OTOG: variants seen among roughly 807,000 people sequenced by gnomAD.
OTOG encodes the protein otogelin.
Under a neutral mutation model 313.8 loss-of-function variants are expected in OTOG, and 296 were observed. The observed-to-expected ratio is 0.94, with a 90% confidence interval of 0.86 to 1.04. The LOEUF (loss-of-function observed/expected upper bound fraction) is 1.04, where lower values mean the gene tolerates loss of function less well. Ranked by LOEUF, OTOG falls within the 50% of genes least tolerant of loss-of-function variation. The probability of loss-of-function intolerance (pLI) is 0.00; values close to 1 mark genes in which losing one functional copy is unlikely to be tolerated. For missense variants in OTOG, 3,948 were observed against 3,840.1 expected (o/e 1.03, Z -0.74); for synonymous variants, 1,533 against 1,554.9 (o/e 0.99, Z 0.33).
chr11:17,576,078 C>A (rs1565100081), intron 20 of OTOG, among the ~76,000 whole-genome samples: 1 of 152,230 alleles, frequency 6.6e-6, no homozygotes, highest in Non-Finnish European at 1.5e-5. Flanking sequence ...TGCAGAGGGC[C>A]TGGCTGGGTG....
chr11:17,639,326 A>G, intron 48 of OTOG, 97 bp from the exon 49 acceptor site: 1 of 1,329,530 alleles, frequency 7.5e-7, no homozygotes, highest in South Asian at 1.3e-5. Flanking sequence ...GGTCTTCAGA[A>G]GACGGGTTGT....
chr11:17,605,736 G>A, intron 32 of OTOG, 121 bp from the exon 33 acceptor site: 1 of 1,122,088 alleles, frequency 8.9e-7, no homozygotes, highest in South Asian at 1.7e-5. Context: ...GGCAGGGCCT[G>A]CTGGTCTGCA....
Position 17,560,744 on chromosome 11 carries a change from G to C in OTOG, c.1378G>C (p.Ala460Pro), listed in dbSNP as rs764070352. The C allele has an allele frequency of 2.3e-5, 36 of 1,550,564 alleles. 1 individual carries two copies. In the Middle Eastern group the frequency reaches 3.5e-3, roughly 150 times the overall value. Residue 460 changes from alanine to proline, a missense_variant, in exon 13 of 56, where the codon GCT (alanine) becomes CCT (proline). Ala to Pro is a conservative substitution (Grantham distance 27, BLOSUM62 -1). Transcript: ENST00000399397. ...CGAGGATGGGGGCTGCGTGGCACCA[G>C]CTGAGTGTCCCTGTGAGTTTCACGG... is the stretch of plus-strand genomic sequence containing the variant. Reference protein sequence around the residue: ...IFEDGGCVAPAECPCEFHGTL... With the variant: ...IFEDGGCVAPPECPCEFHGTL...
intron 34 of OTOG, among the ~76,000 whole-genome samples, 198 bp from the exon 35 acceptor site, chr11:17,608,932 C>T (rs1466296467): frequency 6.6e-6 from 1 of 152,144 alleles, no homozygotes; most frequent in Non-Finnish European, 1.5e-5. Context: ...GAGTGTGCCG[C>T]ATACACATTG....
At position 17,547,326 on chromosome 11, in the gene OTOG, C is replaced by T. The variant is rs1162951015; in HGVS notation, c.-47C>T. On this transcript the variant is annotated 5_prime_UTR_variant, in exon 1 of 56. Coordinates refer to ENST00000399397, the MANE Select transcript of OTOG (RefSeq NM_001292063.2). Reference sequence around the variant, plus strand: ...CCTGCCTTAGCCCGGGGAGGCACCTCGGGAGGCTGGCCCTGCGCTCAAGTC... The same window carrying T: ...CCTGCCTTAGCCCGGGGAGGCACCTTGGGAGGCTGGCCCTGCGCTCAAGTC... The T allele has an allele frequency of 1.2e-5, 15 of 1,299,250 alleles. No homozygotes were observed. The African/African-American group carries it at 1.2e-4, about 11-fold the overall frequency. 80.5% of individuals were successfully genotyped at this position (1,299,250 alleles called of 1,614,324 possible).
intron 17 of OTOG, among the ~76,000 whole-genome samples, chr11:17,571,507 C>A (rs1319677506): frequency 6.6e-6 from 1 of 152,180 alleles, no homozygotes; most frequent in Non-Finnish European, 1.5e-5. Context: ...CCCTTCACTG[C>A]CCCTTGTATG....
intron 7 of OTOG, among the ~76,000 whole-genome samples, chr11:17,556,681 C>T (rs754192220): frequency 6.6e-6 from 1 of 152,160 alleles, no homozygotes; most frequent in African/African-American, 2.4e-5. Context: ...TTCAAGGTTG[C>T]CAAATTCCAG....
chr11:17,595,407 TATAAAAATTTTATGAG>T (rs1271423285), intron 28 of OTOG, among the ~76,000 whole-genome samples: 5 of 152,260 alleles, frequency 3.3e-5, no homozygotes, highest in African/African-American at 1.2e-4. Context: ...TCTACTGCTA[TATAAAAATTTTATGAG>T]ACTTAGTGGC....
rs144431126 is a variant in OTOG at position 17,621,310 on chromosome 11, T to A, written c.6528+7609T>A. On this transcript the variant is annotated intron_variant, in intron 39 of 55. Transcript: ENST00000399397. Reference sequence around the variant, plus strand: ...TAAGCTTTGTTAGGTAAAGCCAAAGTAGCCTTTATTCTGAGTGTGATTTTA... The same window carrying A: ...TAAGCTTTGTTAGGTAAAGCCAAAGAAGCCTTTATTCTGAGTGTGATTTTA... Among the ~76,000 whole-genome samples the A allele has an allele frequency of 2.8e-4, 43 of 152,318 alleles. 1 individual carries two copies. In the East Asian group the frequency reaches 8.1e-3, roughly 29 times the overall value.
chr11:17,635,702 TA>T lies in OTOG; in HGVS notation c.7787del (p.Tyr2596SerfsTer76). The T allele has an allele frequency of 6.5e-7, 1 of 1,550,372 alleles. No individual in the cohort carries two copies. Among genetic ancestry groups the T allele is most frequent in the Non-Finnish European group, 8.7e-7 (1 of 1,146,784 alleles). ...RNTTELCCPL[Y>X]QCVCENFRCP... ...TACCACGGAACTCTGCTGCCCTCTGTACCAGTGTGGTGAGTCCTGGCTGGGC... is the reference window on the plus strand; with the variant it reads ...TACCACGGAACTCTGCTGCCCTCTGTCCAGTGTGGTGAGTCCTGGCTGGGC... On this transcript the variant is annotated frameshift_variant, in exon 47 of 56. Transcript: ENST00000399397. LOFTEE classifies it high-confidence loss of function.
chr11:17,576,981 A>C, intron 22 of OTOG, 70 bp downstream of exon 22: 6 of 1,457,006 alleles, frequency 4.1e-6, no homozygotes, highest in Non-Finnish European at 5.6e-6. Context: ...GGAGTGGAGC[A>C]CTGATCAGGC....
intron 23 of OTOG, among the ~76,000 whole-genome samples, chr11:17,580,222 C>T (rs572102415): frequency 2.0e-5 from 3 of 152,214 alleles, no homozygotes; most frequent in Admixed American, 6.5e-5. Context: ...TGGCCAAGGG[C>T]CCTGGGGCCA....
rs77240437 is a variant in OTOG, at chr11:17,551,912, A to C, written c.217-88A>C. On this transcript the variant is annotated intron_variant, in intron 3 of 55. Coordinates refer to ENST00000399397, the MANE Select transcript of OTOG (RefSeq NM_001292063.2). ...GGGCTCCTCCCTCTGGGAGATGAACAAAGAGGGCTGTGGCCACCAGGAAGC... is the reference window on the plus strand; with the variant it reads ...GGGCTCCTCCCTCTGGGAGATGAACCAAGAGGGCTGTGGCCACCAGGAAGC... 2.3e-4 allele frequency: 275 copies of C among 1,203,578 alleles called. 2 individuals are homozygous for C. In the East Asian group the frequency reaches 7.0e-3, roughly 31 times the overall value. The allele number at this position is 1,203,578 out of a possible 1,614,324, so 74.6% of individuals were successfully genotyped here.
intron 54 of OTOG, 101 bp from the exon 55 acceptor site, chr11:17,645,463 A>C: frequency 9.3e-7 from 1 of 1,078,148 alleles, no homozygotes; most frequent in East Asian, 2.6e-5. Flanking sequence ...GCTGGAAGAG[A>C]GACCCTCCAG....
intron 24 of OTOG, among the ~76,000 whole-genome samples, chr11:17,590,245 T>C (rs1375725907): frequency 6.6e-6 from 1 of 152,192 alleles, no homozygotes; most frequent in Admixed American, 6.5e-5. Flanking sequence ...ATTCAACATG[T>C]CCAGAACAGC....
chr11:17,559,597 G>T lies in OTOG; in HGVS notation c.1277G>T (p.Cys426Phe). 4 of 1,550,862 alleles carry T rather than the reference G, an allele frequency of 2.6e-6. No homozygotes were observed. The highest frequency in any genetic ancestry group is 3.5e-6 in the Non-Finnish European group (4 of 1,147,070). ...TGCATCGCCTGCTGCCCTGCCTCCT[G>T]CCATCCCCGGGCATCCTGTGTGGAC... ...NECIACCPASCHPRASCVDSE... is the reference protein window; with the variant it reads ...NECIACCPASFHPRASCVDSE... The change falls in exon 12 of 56, where the codon TGC (cysteine) becomes TTC (phenylalanine). Residue 426 changes from cysteine (C) to phenylalanine (F), a missense_variant. Cys to Phe is a radical substitution (Grantham distance 205). Coordinates refer to ENST00000399397, the MANE Select transcript of OTOG (RefSeq NM_001292063.2).
chr11:17,613,778 C>T lies in OTOG; in HGVS notation c.6528+77C>T, dbSNP rs552822196. ...GACAGGGCATCCAGGGGTGGAGGGG[C>T]TGTGAGGCTGAATCATGATTCAGGG... On this transcript the variant is annotated intron_variant, in intron 39 of 55. Coordinates refer to ENST00000399397, the MANE Select transcript of OTOG (RefSeq NM_001292063.2). 118 of 1,174,398 alleles carry T rather than the reference C, an allele frequency of 1.0e-4. 1 individual carries two copies. Among genetic ancestry groups the T allele is most frequent in the Admixed American group, 9.3e-4 (46 of 49,418 alleles). The allele number at this position is 1,174,398 out of a possible 1,614,324, so 72.7% of individuals were successfully genotyped here. A position where few individuals can be genotyped will look rare whatever the true frequency, so the allele number is the denominator to read the frequency against.
At chr11:17,592,009 C>T (rs1331838546) in intron 25 of OTOG, among the ~76,000 whole-genome samples, 1 of 152,176 alleles carries the variant, frequency 6.6e-6, no homozygotes, top group Admixed American at 6.5e-5. Context: ...AGTTAGGTAA[C>T]TTGCCCAAGG....
intron 19 of OTOG, among the ~76,000 whole-genome samples, chr11:17,574,195 C>T (rs1852465941): frequency 6.6e-6 from 1 of 152,080 alleles, no homozygotes; most frequent in Non-Finnish European, 1.5e-5. Context: ...GGGATGCTGG[C>T]CACACAAGGA....
Sources: gnomAD v4.1 joint callset for allele counts (sites outside exome capture counted in the v4.1 genomes callset) on GRCh38, gnomAD v4.1.1 for gene constraint, MANE v1.5 for transcripts, NCBI Gene and HGNC (gene_info 2026-07-23, HGNC 2026-07-21) for gene names.